Variants in CLEC2A observed in about 807,000 individuals in gnomAD.
CLEC2A encodes C-type lectin domain family 2 member A, also known as keratinocyte-associated C-type lectin.
A neutral mutation model predicts 18.6 loss-of-function variants in CLEC2A; 19 were observed. The observed-to-expected ratio is 1.02, with a 90% confidence interval of 0.71 to 1.50. The LOEUF is 1.50. CLEC2A is among the 40% of genes most tolerant of loss of function. CLEC2A has a pLI of 0.00. For synonymous variants in CLEC2A, 74 were observed against 64.0 expected (o/e 1.16, Z -0.75); for missense variants, 190 against 207.9 (o/e 0.91, Z 0.53).
At chr12:9,910,626 C>T (rs1862970450), downstream of CLEC2A, among the ~76,000 whole-genome samples, 1 of 152,190 alleles carries the variant, frequency 6.6e-6, no homozygotes. Flanking sequence ...CATTCACACA[C>T]TTTCAACCTC....
intron 4 of CLEC2A, among the ~76,000 whole-genome samples, chr12:9,899,251 G>A (rs747418939): frequency 6.6e-6 from 1 of 152,160 alleles, no homozygotes; most frequent in African/African-American, 2.4e-5. Flanking sequence ...ATGTATCTGA[G>A]GGGAGTGTCC....
chr12:9,926,212 C>A (rs1264484692), intron 2 of CLEC2A, 48 bp downstream of exon 2: 4 of 1,110,102 alleles, frequency 3.6e-6, no homozygotes, highest in Admixed American at 4.1e-5. Context: ...ATACATGGAC[C>A]CTTCAGGAGT....
chr12:9,905,573 T>A lies in CLEC2A; in HGVS notation c.411-6597A>T, dbSNP rs548889493. Among the ~76,000 whole-genome samples, 14 of 152,312 alleles carry A rather than the reference T, an allele frequency of 9.2e-5. No homozygotes were observed. In the East Asian group the frequency reaches 1.3e-3, roughly 15 times the overall value. On this transcript the variant is annotated intron_variant, in intron 4 of 4. Transcript: ENST00000339766. ...ATTTTTGATGGGCAGTTCAGTTTCA[T>A]AACAAGGCAATGGGGAGGCATTTAG...
chr12:9,928,718 G>A (rs956355477), intron 1 of CLEC2A, among the ~76,000 whole-genome samples: 8 of 152,016 alleles, frequency 5.3e-5, no homozygotes, highest in African/African-American at 1.4e-4. Context: ...AAGAATACAC[G>A]CAAGTGAGCA....
At chr12:9,910,840 G>A (rs368505329), downstream of CLEC2A, among the ~76,000 whole-genome samples, 124 of 152,220 alleles carry the variant, frequency 8.1e-4, no homozygotes, top group African/African-American at 1.3e-3. Context: ...AGAGTGTGAC[G>A]CATCTCCTCA....
chr12:9,893,475 G>T, the CLEC2A span: 1 of 1,522,292 alleles, frequency 6.6e-7, no homozygotes, highest in Admixed American at 2.0e-5. Flanking sequence ...GGTTGGATTG[G>T]ACTATATGTT....
At chr12:9,905,465 T>C (rs1043808588) in intron 4 of CLEC2A, among the ~76,000 whole-genome samples, 1 of 152,226 alleles carries the variant, frequency 6.6e-6, no homozygotes, top group Non-Finnish European at 1.5e-5. Context: ...GGAATTGGTC[T>C]TTAGTTTCAA....
chr12:9,905,511 A>T (rs1377360097), intron 4 of CLEC2A, among the ~76,000 whole-genome samples: 1 of 152,194 alleles, frequency 6.6e-6, no homozygotes, highest in Non-Finnish European at 1.5e-5. Flanking sequence ...TAAATAAGGC[A>T]ACCCATATAG....
chr12:9,909,717 T>C (rs894616099), downstream of CLEC2A, among the ~76,000 whole-genome samples: 2 of 152,162 alleles, frequency 1.3e-5, no homozygotes, highest in African/African-American at 4.8e-5. Flanking sequence ...CTACCTCACG[T>C]TGGAGTCCTT....
At chr12:9,928,489 G>A (rs1344267042) in intron 1 of CLEC2A, among the ~76,000 whole-genome samples, 2 of 151,572 alleles carry the variant, frequency 1.3e-5, no homozygotes, top group East Asian at 3.9e-4. Flanking sequence ...AAGAAAGAAA[G>A]AAGAAGGAAA....
At chr12:9,900,876 C>T (rs1862817266) in intron 4 of CLEC2A, among the ~76,000 whole-genome samples, 2 of 152,126 alleles carry the variant, frequency 1.3e-5, no homozygotes, top group African/African-American at 4.8e-5. Context: ...CAATTGTGTC[C>T]TGTTGCAAAA....
At chr12:9,889,297 A>C in the CLEC2A span, among the ~76,000 whole-genome samples, 4 of 152,312 alleles carry the variant, frequency 2.6e-5, no homozygotes, top group South Asian at 8.3e-4. Context: ...TTTCTGTGTC[A>C]ACTTGGCTAG....
intron 3 of CLEC2A, among the ~76,000 whole-genome samples, chr12:9,921,203 C>T (rs1228192965): frequency 6.6e-6 from 1 of 152,174 alleles, no homozygotes; most frequent in Non-Finnish European, 1.5e-5. Context: ...CTGTTGAGCA[C>T]ACATTGTCAT....
At chr12:9,904,865 G>A (rs1486649126) in intron 4 of CLEC2A, among the ~76,000 whole-genome samples, 2 of 152,216 alleles carry the variant, frequency 1.3e-5, no homozygotes, top group Non-Finnish European at 2.9e-5. Flanking sequence ...GGGCCTGGCT[G>A]TCCACCGTCC....
At chr12:9,877,868 T>G in the CLEC2A span, among the ~76,000 whole-genome samples, 6 of 152,156 alleles carry the variant, frequency 3.9e-5, no homozygotes, top group Admixed American at 3.9e-4. Flanking sequence ...TACAGAGGAA[T>G]AGTCATAAAT....
chr12:9,887,393 A>G, the CLEC2A span, among the ~76,000 whole-genome samples: 1 of 152,230 alleles, frequency 6.6e-6, no homozygotes, highest in African/African-American at 2.4e-5. Context: ...GCAAATTAGC[A>G]TCAGATTTTT....
chr12:9,929,504 T>C (rs1428173657), intron 1 of CLEC2A, among the ~76,000 whole-genome samples: 1 of 152,180 alleles, frequency 6.6e-6, no homozygotes, highest in African/African-American at 2.4e-5. Flanking sequence ...TCATGTTTCC[T>C]TGTTGTTATC....
the CLEC2A span, chr12:9,893,524 C>G: frequency 7.1e-5 from 104 of 1,471,884 alleles, no homozygotes; most frequent in African/African-American, 1.1e-3. Flanking sequence ...TAGATGAACA[C>G]TTTTTAGTTC....
the CLEC2A span, among the ~76,000 whole-genome samples, chr12:9,889,746 C>A: frequency 1.5e-3 from 221 of 151,684 alleles, no homozygotes; most frequent in African/African-American, 4.9e-3. Flanking sequence ...AACTCCAATA[C>A]GGTAATACAG....
Sources: gnomAD v4.1 joint callset for allele counts (sites outside exome capture counted in the v4.1 genomes callset) on GRCh38, gnomAD v4.1.1 for gene constraint, MANE v1.5 for transcripts, NCBI Gene and HGNC (gene_info 2026-07-23, HGNC 2026-07-21) for gene names.